The following C1QTNF9 variants were observed in gnomAD, a reference collection of about 807,000 sequenced individuals.
C1QTNF9 encodes the protein complement C1q and tumor necrosis factor-related protein 9A.
In C1QTNF9, 6 loss-of-function variants were observed where a neutral mutation model predicts 10.1. The ratio of observed to expected loss-of-function variants is 0.59; its 90% CI spans 0.32 to 1.17. The LOEUF (loss-of-function observed/expected upper bound fraction) is 1.17. C1QTNF9 is among the 50% of genes most tolerant of loss of function. The pLI is 0.04. For synonymous variants in C1QTNF9, 98 were observed against 163.5 expected, an observed-to-expected ratio of 0.60 and a Z score of 3.06; for missense variants, 201 against 418.8, an observed-to-expected ratio of 0.48 and a Z score of 4.54.
chr13:24,314,576 A>G (rs2138804837), intron 1 of C1QTNF9, among the ~76,000 whole-genome samples: 1 of 152,044 alleles, frequency 6.6e-6, no homozygotes, highest in African/African-American at 2.4e-5. Flanking sequence ...CAGCTACTTG[A>G]GAAGCCGAAT....
chr13:24,310,199 A>T (rs528101496), intron 1 of C1QTNF9, among the ~76,000 whole-genome samples: 8 of 145,100 alleles, frequency 5.5e-5, no homozygotes, highest in African/African-American at 1.8e-4. Context: ...TGTTGTCCAG[A>T]CTGGAGTGCA....
At chr13:24,321,025 A>T (rs776993445) in exon 4 of C1QTNF9, 1 of 1,589,366 alleles carries the variant, frequency 6.3e-7, no homozygotes, top group Admixed American at 1.8e-5. Context: ...AGCAAAAGGC[A>T]TCAAAGGTGA....
At chr13:24,320,198 G>A (rs1270734227) in intron 3 of C1QTNF9, among the ~76,000 whole-genome samples, 1 of 151,860 alleles carries the variant, frequency 6.6e-6, no homozygotes, top group African/African-American at 2.4e-5. Flanking sequence ...ACCTGTCTCT[G>A]CTCTGAAGAG....
chr13:24,321,947 A>G, exon 4 of C1QTNF9: 2 of 743,794 alleles, frequency 2.7e-6, no homozygotes, highest in Non-Finnish European at 4.0e-6. Flanking sequence ...AGGAGTAAAT[A>G]TTTAAAATAG....
exon 4 of C1QTNF9, chr13:24,321,003 T>A (rs1222798480): frequency 6.3e-7 from 1 of 1,592,606 alleles, no homozygotes; most frequent in South Asian, 1.1e-5. Context: ...TAGGAGCAGA[T>A]GGAAAAGTTG....
chr13:24,321,656 T>C (rs1304349559), exon 4 of C1QTNF9: 5 of 1,614,152 alleles, frequency 3.1e-6, no homozygotes, highest in Non-Finnish European at 4.2e-6. Context: ...CAGCTGAAGC[T>C]CGGGGATGAG....
intron 1 of C1QTNF9, among the ~76,000 whole-genome samples, chr13:24,310,100 G>T (rs1877753651): frequency 1.3e-5 from 2 of 151,722 alleles, no homozygotes; most frequent in African/African-American, 4.8e-5. Context: ...CACCATCTTG[G>T]CCAGGCTGCT....
At chr13:24,311,005 G>C (rs9511188) in intron 1 of C1QTNF9, among the ~76,000 whole-genome samples, 69,420 of 151,268 alleles carry the variant, frequency 0.46, 16,754 homozygotes, top group African/African-American at 0.62. Flanking sequence ...GATGAAGGCA[G>C]CCTAGAGCTA....
intron 1 of C1QTNF9, among the ~76,000 whole-genome samples, chr13:24,314,964 C>T (rs1314806474): frequency 2.0e-5 from 3 of 151,818 alleles, no homozygotes; most frequent in Admixed American, 6.6e-5. Context: ...ACTCAAAGAA[C>T]ACCTCTCACT....
intron 2 of C1QTNF9, among the ~76,000 whole-genome samples, chr13:24,316,508 G>A (rs1016067906): frequency 3.9e-5 from 6 of 152,310 alleles, no homozygotes; most frequent in African/African-American, 1.4e-4. Flanking sequence ...CCCATCTCAG[G>A]TGACAGGTAT....
intron 2 of C1QTNF9, among the ~76,000 whole-genome samples, chr13:24,316,992 T>C (rs1347496738): frequency 6.6e-6 from 1 of 152,244 alleles, no homozygotes; most frequent in Non-Finnish European, 1.5e-5. Context: ...AAGTTTGTGT[T>C]TCTAACACAT....
intron 1 of C1QTNF9, 118 bp from the exon 2 acceptor site, chr13:24,315,864 C>T: frequency 9.4e-7 from 1 of 1,066,648 alleles, no homozygotes; most frequent in Middle Eastern, 2.4e-4. Context: ...CAAGTTTGTG[C>T]AGGTGTGGGT....
upstream of C1QTNF9, among the ~76,000 whole-genome samples, chr13:24,307,942 A>G (rs1225032904): frequency 6.6e-6 from 1 of 152,202 alleles, no homozygotes; most frequent in African/African-American, 2.4e-5. Context: ...GCAGGAGGCC[A>G]GGATCCTGAT....
At position 24,318,877 on chromosome 13, in the gene C1QTNF9, C is replaced by T. The variant is rs142688497; in HGVS notation, c.226C>T (p.Arg76Ter). 3.0e-4 allele frequency: 491 copies of T among 1,614,176 alleles called. No homozygotes were observed. The East Asian group carries it at 8.8e-3, about 29-fold the overall frequency. ...TGGGACGAGTGGAGAGAAGGGAGAA[C>T]GAGGTTAGTAGTTCCTATTTATGGT... The change falls in exon 3 of 4, where the codon CGA becomes TGA. Residue 76 changes from arginine (R) to a stop codon, truncating the protein, a stop_gained. Transcript: ENST00000332018. LOFTEE classifies it low-confidence loss of function (END_TRUNC).
chr13:24,309,283 T>C (rs201702113), upstream of C1QTNF9, among the ~76,000 whole-genome samples: 1 of 68,266 alleles, frequency 1.5e-5, no homozygotes, highest in Admixed American at 1.5e-4. Flanking sequence ...ACTTAAAGTA[T>C]TATATATATA....
exon 4 of C1QTNF9, chr13:24,321,686 G>A: frequency 6.2e-7 from 1 of 1,613,658 alleles, no homozygotes; most frequent in Non-Finnish European, 8.5e-7. Context: ...CAGGTGACAG[G>A]AGGAGAGAGG....
At chr13:24,310,320 CTTT>C (rs59368172) in intron 1 of C1QTNF9, among the ~76,000 whole-genome samples, 10,323 of 140,682 alleles carry the variant, frequency 0.073, 627 homozygotes, top group African/African-American at 0.17. Context: ...CGCCTGGCTA[CTTT>C]TTTTTTTTTT....
At chr13:24,315,685 G>C (rs1389056386) in intron 1 of C1QTNF9, 10 of 484,240 alleles carry the variant, frequency 2.1e-5, no homozygotes, top group Admixed American at 3.5e-5. Context: ...GTTCAGAAAA[G>C]TGATTTCTTC....
chr13:24,315,797 AAGG>A, intron 1 of C1QTNF9, 182 bp from the exon 2 acceptor site: 1 of 621,186 alleles, frequency 1.6e-6, no homozygotes, highest in Non-Finnish European at 2.7e-6. Context: ...GTTACCTTCC[AAGG>A]ACAGTGTCAT....
Sources: allele counts gnomAD v4.1 joint callset (sites outside exome capture counted in the v4.1 genomes callset), GRCh38; gene constraint gnomAD v4.1.1; transcripts MANE v1.5; gene names NCBI Gene and HGNC (gene_info 2026-07-23, HGNC 2026-07-21).